Variants in KIF6 observed in about 807,000 individuals in gnomAD.
KIF6 encodes kinesin family member 6, also known as kinesin-like protein KIF6.
A neutral mutation model predicts 112.7 loss-of-function variants in KIF6; 106 were observed. The ratio of observed to expected loss-of-function variants is 0.94; its 90% CI spans 0.80 to 1.11. The LOEUF is 1.11. Among genes scored for constraint, KIF6 ranks in the 50% least tolerant of loss-of-function variants. The pLI is 0.00. For missense variants in KIF6, 929 were observed against 964.0 expected (o/e 0.96, Z 0.48); for synonymous variants, 339 against 339.9 (o/e 1.00, Z 0.03).
chr6:39,524,113 T>C (rs1777564520), intron 13 of KIF6, among the ~76,000 whole-genome samples: 1 of 151,314 alleles, frequency 6.6e-6, no homozygotes, highest in East Asian at 1.9e-4. Context: ...TTCCAAAGTT[T>C]GGGCAAGGCT....
chr6:39,585,375 G>A (rs1191628046), intron 8 of KIF6, among the ~76,000 whole-genome samples: 1 of 152,138 alleles, frequency 6.6e-6, no homozygotes, highest in African/African-American at 2.4e-5. Context: ...TGATTTGACA[G>A]GCAGTAATGC....
chr6:39,583,875 A>G (rs1340237568), intron 9 of KIF6, among the ~76,000 whole-genome samples: 1 of 151,886 alleles, frequency 6.6e-6, no homozygotes, highest in East Asian at 1.9e-4. Context: ...TTTCATTTAC[A>G]GAAAACTAAC....
chr6:39,528,426 A>T (rs1157442575), intron 13 of KIF6, among the ~76,000 whole-genome samples: 1 of 152,224 alleles, frequency 6.6e-6, no homozygotes, highest in Non-Finnish European at 1.5e-5. Context: ...TGAACATGGG[A>T]ATGCAGACAT....
At chr6:39,694,013 C>T (rs1788379004) in intron 3 of KIF6, among the ~76,000 whole-genome samples, 1 of 151,868 alleles carries the variant, frequency 6.6e-6, no homozygotes, top group African/African-American at 2.4e-5. Flanking sequence ...GATGATTCAA[C>T]ATACACAAAT....
intron 3 of KIF6, among the ~76,000 whole-genome samples, chr6:39,667,737 T>G (rs186418857): frequency 6.6e-6 from 1 of 152,210 alleles, no homozygotes; most frequent in African/African-American, 2.4e-5. Context: ...AGATTTTAGA[T>G]GTTAGCGATT....
intron 13 of KIF6, among the ~76,000 whole-genome samples, chr6:39,477,016 G>A (rs1327694985): frequency 2.0e-5 from 3 of 152,140 alleles, no homozygotes; most frequent in Non-Finnish European, 2.9e-5. Context: ...TTTGTAGCGA[G>A]GCATTTGGGA....
intron 13 of KIF6, among the ~76,000 whole-genome samples, chr6:39,446,519 GT>G (rs1450525654): frequency 6.6e-6 from 1 of 152,090 alleles, no homozygotes; most frequent in Admixed American, 6.5e-5. Flanking sequence ...TTTAGATGGA[GT>G]TTCACTCTTG....
chr6:39,361,340 C>G (rs1325634749), intron 17 of KIF6, among the ~76,000 whole-genome samples: 1 of 151,932 alleles, frequency 6.6e-6, no homozygotes. Flanking sequence ...GGGTGGATCA[C>G]CTGAGGTCAG....
At chr6:39,440,367 G>A (rs554747765) in intron 13 of KIF6, among the ~76,000 whole-genome samples, 1 of 152,324 alleles carries the variant, frequency 6.6e-6, no homozygotes, top group Non-Finnish European at 1.5e-5. Context: ...TACCTACAAC[G>A]TGTAGAATCT....
chr6:39,627,552 A>C, intron 5 of KIF6, among the ~76,000 whole-genome samples: 1 of 152,130 alleles, frequency 6.6e-6, no homozygotes, highest in East Asian at 1.9e-4. Flanking sequence ...ACTGTGCATT[A>C]ATTTTTTTGT....
intron 15 of KIF6, among the ~76,000 whole-genome samples, chr6:39,400,937 T>C (rs561766748): frequency 6.6e-6 from 1 of 152,358 alleles, no homozygotes; most frequent in African/African-American, 2.4e-5. Context: ...TAAGGATTGA[T>C]TACATGTCAG....
intron 10 of KIF6, among the ~76,000 whole-genome samples, chr6:39,545,993 C>CA (rs999255827): frequency 6.6e-6 from 1 of 152,170 alleles, no homozygotes; most frequent in Non-Finnish European, 1.5e-5. Flanking sequence ...CTGGCTGCTG[C>CA]ATTGCTAGAA....
At position 39,351,932 on chromosome 6, in the gene KIF6, G is replaced by A. The variant is rs528920427; in HGVS notation, c.2180+5345C>T. ...CCTGGAGTTTCAGCGAGAGGGCTCC[G>A]TGTGTGGAAGGTGCAGGTATACAGG... is the stretch of plus-strand genomic sequence containing the variant. On this transcript the variant is annotated intron_variant, in intron 19 of 22. Coordinates refer to ENST00000287152, the MANE Select transcript of KIF6 (RefSeq NM_145027.6). Among the ~76,000 whole-genome samples, 11 of 152,310 alleles carry A rather than the reference G, an allele frequency of 7.2e-5. No homozygotes were observed. In the South Asian group the frequency reaches 8.3e-4, roughly 11 times the overall value.
intron 13 of KIF6, among the ~76,000 whole-genome samples, chr6:39,502,931 T>C (rs1005297853): frequency 6.6e-6 from 1 of 152,018 alleles, no homozygotes; most frequent in Non-Finnish European, 1.5e-5. Flanking sequence ...ATTAGATCAT[T>C]GAGACAGAAA....
At chr6:39,463,345 C>G (rs532396805) in intron 13 of KIF6, among the ~76,000 whole-genome samples, 132 of 152,278 alleles carry the variant, frequency 8.7e-4, no homozygotes, top group African/African-American at 3.1e-3. Context: ...TCCCAACCTA[C>G]TATCCAATCA....
At chr6:39,353,195 C>T (rs1005483522) in intron 19 of KIF6, among the ~76,000 whole-genome samples, 6 of 152,120 alleles carry the variant, frequency 3.9e-5, no homozygotes, top group Admixed American at 2.6e-4. Context: ...TAGCAATGAA[C>T]GAGAGTTCCT....
chr6:39,345,865 G>A, intron 20 of KIF6, 76 bp from the exon 21 acceptor site: 1 of 1,038,446 alleles, frequency 9.6e-7, no homozygotes, highest in Non-Finnish European at 1.5e-6. Context: ...TTATATCTAG[G>A]AGCTGTTATG....
rs537921848 is a variant in KIF6 at position 39,408,816 on chromosome 6, G to A, written c.1810+11132C>T. ...TGTATTGTTCAAACTATGGCAAAAT[G>A]TACCCATGAATCACTTATGCAGTTA... On this transcript the variant is annotated intron_variant, in intron 15 of 22. Transcript: ENST00000287152. Among the ~76,000 whole-genome samples the A allele has an allele frequency of 1.6e-4, 24 of 152,234 alleles. No individual in the cohort carries two copies. The South Asian group carries it at 4.8e-3, about 30-fold the overall frequency.
In KIF6 at chr6:39,641,773, T is replaced by A. The variant is rs907977380; in HGVS notation, c.252-2016A>T. On this transcript the variant is annotated intron_variant, in intron 3 of 22. Coordinates refer to ENST00000287152, the MANE Select transcript of KIF6 (RefSeq NM_145027.6). ...GAGTAGGTAGTACACTACGTTGGCATCTGCTAAGTGTTATGTCTACTTTTT... is the reference window on the plus strand; with the variant it reads ...GAGTAGGTAGTACACTACGTTGGCAACTGCTAAGTGTTATGTCTACTTTTT... Among the ~76,000 whole-genome samples, 4 of 152,130 alleles carry A rather than the reference T, an allele frequency of 2.6e-5. No homozygotes were observed. In the East Asian group the frequency reaches 7.7e-4, roughly 29 times the overall value.
Sources: gnomAD v4.1 joint callset for allele counts (sites outside exome capture counted in the v4.1 genomes callset) on GRCh38, gnomAD v4.1.1 for gene constraint, MANE v1.5 for transcripts, NCBI Gene and HGNC (gene_info 2026-07-23, HGNC 2026-07-21) for gene names.